PLEKHH2: variants seen among roughly 807,000 people sequenced by gnomAD.
The protein encoded by PLEKHH2 is pleckstrin homology domain-containing family H member 2.
In PLEKHH2, 129 loss-of-function variants were observed where a neutral mutation model predicts 187.9. The observed-to-expected ratio is 0.69, with a 90% CI of 0.59 to 0.79. The LOEUF is 0.79. PLEKHH2 is among the 30% of genes least tolerant of loss of function. The probability of loss-of-function intolerance (pLI) is 0.00; values close to 1 mark genes in which losing one functional copy is unlikely to be tolerated. For synonymous variants in PLEKHH2, 686 were observed against 605.6 expected, an observed-to-expected ratio of 1.13 and a Z score of -1.95; for missense variants, 2,076 against 1,751.2, an observed-to-expected ratio of 1.19 and a Z score of -3.31.
intron 25 of PLEKHH2, among the ~76,000 whole-genome samples, chr2:43,754,790 T>G (rs1672149683): frequency 6.6e-6 from 1 of 152,100 alleles, no homozygotes; most frequent in Non-Finnish European, 1.5e-5. Flanking sequence ...TTCTTTTTAT[T>G]CTATGCACCA....
At chr2:43,684,953 C>G (rs1572552304) in intron 3 of PLEKHH2, among the ~76,000 whole-genome samples, 1 of 152,106 alleles carries the variant, frequency 6.6e-6, no homozygotes, top group South Asian at 2.1e-4. Context: ...TTCAGAAGGA[C>G]TTTTTTTCTT....
At chr2:43,681,008 G>T (rs1044771219) in intron 3 of PLEKHH2, 2 of 1,239,394 alleles carry the variant, frequency 1.6e-6, no homozygotes, top group Admixed American at 2.4e-5. Context: ...AACTGGAAAA[G>T]TCACCTGTTC....
At chr2:43,710,831 C>A in intron 14 of PLEKHH2, 1 of 1,238,278 alleles carries the variant, frequency 8.1e-7, no homozygotes, top group Non-Finnish European at 1.0e-6. Flanking sequence ...CATATTTAAT[C>A]TCCTAGGTAT....
intron 8 of PLEKHH2, among the ~76,000 whole-genome samples, chr2:43,701,706 TA>T (rs34834673): frequency 0.02 from 2,562 of 129,436 alleles, 34 homozygotes; most frequent in African/African-American, 0.045. Context: ...ACTGCTAGAC[TA>T]AAAAAAAAAA....
chr2:43,752,624 ATC>A (rs1672052907), intron 24 of PLEKHH2, among the ~76,000 whole-genome samples: 1 of 152,170 alleles, frequency 6.6e-6, no homozygotes, highest in Non-Finnish European at 1.5e-5. Context: ...CTGTATCTAA[ATC>A]TCTCTTTTCC....
chr2:43,700,275 A>G lies in PLEKHH2; in HGVS notation c.1317A>G (p.Pro439=). 1 of 1,614,152 alleles carries G rather than the reference A, an allele frequency of 6.2e-7. No individual in the cohort carries two copies. The highest frequency in any genetic ancestry group is 8.5e-7 in the Non-Finnish European group (1 of 1,180,020). Residue 439 remains proline, a synonymous_variant, in exon 8 of 30, where the codon CCA becomes CCG. Coordinates refer to ENST00000282406, the MANE Select transcript of PLEKHH2 (RefSeq NM_172069.4). ...TGCCTTCATCACACCTGCCACCCCC[A>G]AAGTTAAGGATTCCTAATGTTTTCA... ...QLVPSSHLPP[P]KLRIPNVFSI...
chr2:43,744,882 A>G (rs10168069), intron 23 of PLEKHH2, among the ~76,000 whole-genome samples: 26,155 of 141,774 alleles, frequency 0.18, 1,877 homozygotes, highest in Middle Eastern at 0.27. Context: ...AAAAAAAAAA[A>G]AAAAAGAAAA....
At position 43,666,834 on chromosome 2, in the gene PLEKHH2, A is replaced by G. The variant is rs535237933; in HGVS notation, c.124-12029A>G. Among the ~76,000 whole-genome samples, 87 of 152,226 alleles carry G rather than the reference A, an allele frequency of 5.7e-4. 1 individual carries two copies. The highest frequency in any genetic ancestry group is 2.0e-3 in the African/African-American group (84 of 41,542). On this transcript the variant is annotated intron_variant, in intron 2 of 29. Coordinates refer to ENST00000282406, the MANE Select transcript of PLEKHH2 (RefSeq NM_172069.4). ...TATTCTTGAATTGTAAAAATTCCTT[A>G]TATATTCTGGATACAAGTCTTTTAT...
chr2:43,715,878 G>C (rs888578904), intron 15 of PLEKHH2, among the ~76,000 whole-genome samples: 2 of 152,134 alleles, frequency 1.3e-5, no homozygotes, highest in Non-Finnish European at 2.9e-5. Flanking sequence ...GGAATCATCA[G>C]CATACATGTG....
chr2:43,652,722 C>G (rs1666549812), intron 2 of PLEKHH2, among the ~76,000 whole-genome samples: 1 of 152,196 alleles, frequency 6.6e-6, no homozygotes, highest in Admixed American at 6.5e-5. Flanking sequence ...ACCCTTAAAC[C>G]TACGTATCAC....
intron 3 of PLEKHH2, among the ~76,000 whole-genome samples, 163 bp downstream of exon 3, chr2:43,679,088 T>G (rs1274199013): frequency 6.6e-6 from 1 of 152,130 alleles, no homozygotes; most frequent in African/African-American, 2.4e-5. Context: ...CTCTATTTTG[T>G]CCATTAACAA....
At chr2:43,722,112 C>A (rs1273674322) in intron 16 of PLEKHH2, among the ~76,000 whole-genome samples, 1 of 150,796 alleles carries the variant, frequency 6.6e-6, no homozygotes, top group Non-Finnish European at 1.5e-5. Flanking sequence ...AAAAATTAGC[C>A]AGGCATGGTG....
Position 43,680,289 on chromosome 2 carries a change from A to T in PLEKHH2, c.186+1364A>T, listed in dbSNP as rs113340749. ...GAAGAGAGGATTTTGAATGTTCACA[A>T]CACAAATAAATAGTAAATGTTTGAG... On this transcript the variant is annotated intron_variant, in intron 3 of 29. Coordinates refer to ENST00000282406, the MANE Select transcript of PLEKHH2 (RefSeq NM_172069.4). Among the ~76,000 whole-genome samples, 193 of 152,342 alleles carry T rather than the reference A, an allele frequency of 1.3e-3. 2 individuals carry two copies. Among genetic ancestry groups the T allele is most frequent in the African/African-American group, 4.5e-3 (187 of 41,584 alleles).
chr2:43,703,938 T>TTG, intron 8 of PLEKHH2, 43 bp from the exon 9 acceptor site: 3 of 465,768 alleles, frequency 6.4e-6, no homozygotes, highest in East Asian at 3.4e-5. Context: ...TTTTTTTTTT[T>TTG]TTTGCTTTAA....
Position 43,763,586 on chromosome 2 carries a change from A to ATTTT in PLEKHH2, c.4159-626_4159-623dup, listed in dbSNP as rs541418802. Among the ~76,000 whole-genome samples the ATTTT allele has an allele frequency of 3.7e-3, 485 of 130,348 alleles. 5 individuals are homozygous for ATTTT. The highest frequency in any genetic ancestry group is 0.013 in the African/African-American group (458 of 34,740). 85.5% of individuals were successfully genotyped at this position (130,348 alleles called of 152,430 possible). A position where few individuals can be genotyped will look rare whatever the true frequency, so the allele number is the denominator to read the frequency against. ...AAGCATGTACTACCATGCCCGGCTA[A>ATTTT]TTTTTTTTTTTTTTTTTTTCATAGA... is the stretch of plus-strand genomic sequence containing the variant. On this transcript the variant is annotated intron_variant, in intron 28 of 29. Coordinates refer to ENST00000282406, the MANE Select transcript of PLEKHH2 (RefSeq NM_172069.4).
chr2:43,738,211 G>T, intron 19 of PLEKHH2, 130 bp from the exon 20 acceptor site: 2 of 709,558 alleles, frequency 2.8e-6, no homozygotes, highest in Non-Finnish European at 4.3e-6. Flanking sequence ...CTTTTGATTA[G>T]TGTTATCATA....
chr2:43,733,220 G>A lies in PLEKHH2; in HGVS notation c.2943+1618G>A, dbSNP rs182598829. ...TACTTAAAAAATACAAAAATTAGCCGAGTGTGATGGCATGCGCCTATAGTC... is the reference window on the plus strand; with the variant it reads ...TACTTAAAAAATACAAAAATTAGCCAAGTGTGATGGCATGCGCCTATAGTC... On this transcript the variant is annotated intron_variant, in intron 19 of 29. Coordinates refer to ENST00000282406, the MANE Select transcript of PLEKHH2 (RefSeq NM_172069.4). 2.6e-3 allele frequency among the ~76,000 whole-genome samples: 392 copies of A among 152,044 alleles called. 2 individuals carry two copies. The highest frequency in any genetic ancestry group is 9.0e-3 in the African/African-American group (374 of 41,492).
chr2:43,666,122 C>T (rs1000511206), intron 2 of PLEKHH2, among the ~76,000 whole-genome samples: 10 of 149,652 alleles, frequency 6.7e-5, no homozygotes, highest in Non-Finnish European at 8.9e-5. Flanking sequence ...TAGCAATCAG[C>T]GAGATTCCGT....
intron 15 of PLEKHH2, among the ~76,000 whole-genome samples, chr2:43,714,302 T>A (rs1670109482): frequency 6.6e-6 from 1 of 152,216 alleles, no homozygotes; most frequent in South Asian, 2.1e-4. Context: ...CATTTCACAA[T>A]TGCATTTTAA....
Sources: allele counts gnomAD v4.1 joint callset (sites outside exome capture counted in the v4.1 genomes callset), GRCh38; gene constraint gnomAD v4.1.1; transcripts MANE v1.5; gene names NCBI Gene and HGNC (gene_info 2026-07-23, HGNC 2026-07-21).